Variants in GPC5 observed in about 807,000 individuals in gnomAD.
GPC5 encodes glypican 5.
A neutral mutation model predicts 53.9 loss-of-function variants in GPC5; 47 were observed. The ratio of observed to expected loss-of-function variants is 0.87; its 90% CI spans 0.69 to 1.11. The LOEUF (loss-of-function observed/expected upper bound fraction) is 1.11, where lower values mean the gene tolerates loss of function less well. GPC5 is among the 50% of genes most tolerant of loss of function. GPC5 has a pLI of 0.00. For synonymous variants in GPC5, 286 were observed against 263.3 expected, an observed-to-expected ratio of 1.09 and a Z score of -0.84; for missense variants, 748 against 713.1, an observed-to-expected ratio of 1.05 and a Z score of -0.56.
At chr13:91,534,978 C>T (rs1886519980) in intron 2 of GPC5, among the ~76,000 whole-genome samples, 1 of 152,150 alleles carries the variant, frequency 6.6e-6, no homozygotes, top group South Asian at 2.1e-4. Flanking sequence ...CACTGAGTGA[C>T]CTTCCATGGC....
At chr13:91,891,820 T>C (rs1459209625) in intron 5 of GPC5, among the ~76,000 whole-genome samples, 1 of 152,140 alleles carries the variant, frequency 6.6e-6, no homozygotes, top group Non-Finnish European at 1.5e-5. Context: ...AGTTTAGTGT[T>C]TTATTTAGCT....
intron 5 of GPC5, among the ~76,000 whole-genome samples, chr13:91,831,418 C>T (rs1263180410): frequency 2.0e-5 from 3 of 151,936 alleles, no homozygotes; most frequent in African/African-American, 7.2e-5. Context: ...TCTCTTTTGG[C>T]AACACTCACA....
At chr13:92,671,749 A>T (rs1886758481) in intron 7 of GPC5, among the ~76,000 whole-genome samples, 1 of 152,118 alleles carries the variant, frequency 6.6e-6, no homozygotes, top group Non-Finnish European at 1.5e-5. Flanking sequence ...GAGACAACAA[A>T]AATGGGAAAT....
chr13:92,673,775 T>G (rs1479244512), intron 7 of GPC5, among the ~76,000 whole-genome samples: 1 of 152,164 alleles, frequency 6.6e-6, no homozygotes, highest in Non-Finnish European at 1.5e-5. Context: ...CCACTGACCC[T>G]TTGTTAAAAT....
At chr13:92,684,547 G>A (rs1362628716) in intron 7 of GPC5, among the ~76,000 whole-genome samples, 1 of 152,076 alleles carries the variant, frequency 6.6e-6, no homozygotes, top group African/African-American at 2.4e-5. Flanking sequence ...GGGATTACAG[G>A]CATGAGCCAC....
Position 91,969,335 on chromosome 13 carries a change from CATT to C in GPC5, c.1401+61281_1401+61283del, listed in dbSNP as rs561291866. ...ATTTGCTAATAGCATGGATATCTGA[CATT>C]ATCTTTTTACAAAATAAGTTATGAA... is the stretch of plus-strand genomic sequence containing the variant. On this transcript the variant is annotated intron_variant, in intron 6 of 7. Coordinates refer to ENST00000377067, the MANE Select transcript of GPC5 (RefSeq NM_004466.6). Among the ~76,000 whole-genome samples the C allele has an allele frequency of 5.7e-4, 87 of 152,208 alleles. 1 individual carries two copies. The Middle Eastern group carries it at 0.017, about 30-fold the overall frequency.
intron 6 of GPC5, among the ~76,000 whole-genome samples, chr13:92,041,921 T>C (rs2040944793): frequency 6.6e-6 from 1 of 152,194 alleles, no homozygotes; most frequent in African/African-American, 2.4e-5. Flanking sequence ...GGAAAAGTTC[T>C]AAGTACTGAA....
At chr13:92,500,275 T>A (rs1880133511) in intron 7 of GPC5, among the ~76,000 whole-genome samples, 1 of 152,108 alleles carries the variant, frequency 6.6e-6, no homozygotes, top group African/African-American at 2.4e-5. Context: ...TGGCTGAGAA[T>A]CCAGACCACT....
At chr13:92,260,628 G>A (rs1479521757) in intron 7 of GPC5, among the ~76,000 whole-genome samples, 3 of 152,020 alleles carry the variant, frequency 2.0e-5, no homozygotes, top group African/African-American at 4.8e-5. Context: ...AACTCCCCAC[G>A]GAGATTTCAA....
chr13:92,518,599 G>C (rs1175005028), intron 7 of GPC5, among the ~76,000 whole-genome samples: 2 of 152,130 alleles, frequency 1.3e-5, no homozygotes, highest in Non-Finnish European at 2.9e-5. Context: ...TCACCACCAG[G>C]CCTGCCTTAC....
chr13:91,557,064 C>G (rs1389462320), intron 2 of GPC5, among the ~76,000 whole-genome samples: 1 of 152,018 alleles, frequency 6.6e-6, no homozygotes, highest in Non-Finnish European at 1.5e-5. Flanking sequence ...AGGCTAAATA[C>G]CCAAGAGGAG....
At chr13:92,249,641 T>TG (rs978524359) in intron 7 of GPC5, among the ~76,000 whole-genome samples, 6 of 151,846 alleles carry the variant, frequency 4.0e-5, no homozygotes, top group Admixed American at 1.3e-4. Context: ...AAATTTTTAG[T>TG]GGGGGGGTTG....
chr13:92,105,125 G>T lies in GPC5; in HGVS notation c.1402-39705G>T, dbSNP rs531901960. Among the ~76,000 whole-genome samples, 9 of 151,652 alleles carry T rather than the reference G, an allele frequency of 5.9e-5. 1 individual carries two copies. The highest frequency in any genetic ancestry group is 2.2e-4 in the African/African-American group (9 of 41,364). On this transcript the variant is annotated intron_variant, in intron 6 of 7. Coordinates refer to ENST00000377067, the MANE Select transcript of GPC5 (RefSeq NM_004466.6). ...TTTTTTTCCTGCAAGGAAAAAAAAT[G>T]ATCATTAAAATAATTCACTTTGATG...
intron 2 of GPC5, among the ~76,000 whole-genome samples, chr13:91,483,985 C>A (rs1158534684): frequency 6.6e-6 from 1 of 152,084 alleles, no homozygotes; most frequent in Non-Finnish European, 1.5e-5. Flanking sequence ...ATATTACATC[C>A]ATATTAATTT....
chr13:92,770,284 C>T (rs1328085447), intron 7 of GPC5, among the ~76,000 whole-genome samples: 1 of 151,798 alleles, frequency 6.6e-6, no homozygotes, highest in Non-Finnish European at 1.5e-5. Context: ...GGTGGTGGCT[C>T]CTGCCTGTCA....
chr13:92,279,293 G>A (rs2042896917), intron 7 of GPC5, among the ~76,000 whole-genome samples: 1 of 151,802 alleles, frequency 6.6e-6, no homozygotes, highest in African/African-American at 2.4e-5. Flanking sequence ...ATCATAAATG[G>A]AATTTTCTTA....
chr13:92,362,331 A>G (rs917046532), intron 7 of GPC5, among the ~76,000 whole-genome samples: 8 of 151,814 alleles, frequency 5.3e-5, no homozygotes, highest in African/African-American at 1.9e-4. Flanking sequence ...ACTGAAGGAA[A>G]TTAGAAGTCA....
chr13:92,826,998 C>A (rs1396668352), intron 7 of GPC5, among the ~76,000 whole-genome samples: 1 of 152,062 alleles, frequency 6.6e-6, no homozygotes, highest in Non-Finnish European at 1.5e-5. Flanking sequence ...TTCTAGTTAA[C>A]TTGGAGGTAA....
chr13:92,774,911 G>A (rs1875745826), intron 7 of GPC5, among the ~76,000 whole-genome samples: 1 of 152,072 alleles, frequency 6.6e-6, no homozygotes, highest in South Asian at 2.1e-4. Context: ...GATTAAAGTT[G>A]TCTCCTGTCC....
Sources: gnomAD v4.1 joint callset for allele counts (sites outside exome capture counted in the v4.1 genomes callset) on GRCh38, gnomAD v4.1.1 for gene constraint, MANE v1.5 for transcripts, NCBI Gene and HGNC (gene_info 2026-07-23, HGNC 2026-07-21) for gene names.